Variants in PABPC5 observed in about 807,000 individuals in gnomAD.
The protein encoded by PABPC5 is polyadenylate-binding protein 5.
In PABPC5, 6 loss-of-function variants were observed where a neutral mutation model predicts 12.6. The observed-to-expected ratio is 0.48, with a 90% CI of 0.26 to 0.94. The LOEUF is 0.94. Among genes scored for constraint, PABPC5 ranks in the 40% least tolerant of loss-of-function variants. The pLI, the probability that PABPC5 is intolerant of heterozygous loss-of-function variation, is 0.14. For missense variants in PABPC5, 244 were observed against 302.8 expected (o/e 0.81, Z 1.44); for synonymous variants, 124 against 118.4 (o/e 1.05, Z -0.31).
At position 91,436,793 on chromosome X, in the gene PABPC5, AG is replaced by A; in HGVS notation, c.*71del. 2 of 995,847 alleles carry A rather than the reference AG, an allele frequency of 2.0e-6. No individual in the cohort carries two copies. Among genetic ancestry groups the A allele is most frequent in the Non-Finnish European group, 2.7e-6 (2 of 750,137 alleles). 82.1% of individuals were successfully genotyped at this position (995,847 alleles called of 1,213,427 possible). A position where few individuals can be genotyped will look rare whatever the true frequency, so the allele number is the denominator to read the frequency against. On this transcript the variant is annotated 3_prime_UTR_variant, in exon 2 of 2. Transcript: ENST00000312600. ...CCTTAGTTTGGGCTCCTTTGTGATA[AG>A]GGGTTATTTTATGCTAATTCACAAG...
At position 91,435,455 on chromosome X, in the gene PABPC5, C is replaced by T. The variant is rs1931581431; in HGVS notation, c.-123C>T. 9.8e-6 allele frequency: 6 copies of T among 614,417 alleles called. No homozygotes were observed. In the South Asian group the frequency reaches 1.0e-4, roughly 10 times the overall value. The allele number at this position is 614,417 out of a possible 1,213,427, so 50.6% of individuals were successfully genotyped here. On this transcript the variant is annotated 5_prime_UTR_variant, in exon 2 of 2. Transcript: ENST00000312600. ...CTCAGCCTCGACAGTGATTCTGAGT[C>T]TGCTTTTAGCTTCCTTTTGCCTGCC...
In PABPC5 at chrX:91,438,350, C is replaced by A. The variant is rs1451827538; in HGVS notation, c.*1624C>A. 8.1e-6 allele frequency: 1 copy of A among 122,841 alleles called. No individual in the cohort carries two copies. Among genetic ancestry groups the A allele is most frequent in the Non-Finnish European group, 1.9e-5 (1 of 52,927 alleles). 10.1% of individuals were successfully genotyped at this position (122,841 alleles called of 1,213,427 possible). Reference sequence around the variant, plus strand: ...AATCACTGTTTATATTGATTATAAACATAAGACATGCTCATTGTAAAAAAT... The same window carrying A: ...AATCACTGTTTATATTGATTATAAAAATAAGACATGCTCATTGTAAAAAAT... On this transcript the variant is annotated 3_prime_UTR_variant, in exon 2 of 2. Transcript: ENST00000312600.
chrX:91,436,917 T>G lies in PABPC5; in HGVS notation c.*191T>G. On this transcript the variant is annotated 3_prime_UTR_variant, in exon 2 of 2. Transcript: ENST00000312600. ...ATAATTTCTAACTGTAAAATTGTCATTTTGTACTTTTTTTGATGTAATATC... is the reference window on the plus strand; with the variant it reads ...ATAATTTCTAACTGTAAAATTGTCAGTTTGTACTTTTTTTGATGTAATATC... 2 of 418,666 alleles carry G rather than the reference T, an allele frequency of 4.8e-6. No individual in the cohort carries two copies. The highest frequency in any genetic ancestry group is 8.1e-5 in the East Asian group (2 of 24,581). The allele number at this position is 418,666 out of a possible 1,213,427, so 34.5% of individuals were successfully genotyped here. A position where few individuals can be genotyped will look rare whatever the true frequency, so the allele number is the denominator to read the frequency against.
At position 91,437,340 on chromosome X, in the gene PABPC5, C is replaced by A. The variant is rs1240858950; in HGVS notation, c.*614C>A. 1 of 122,776 alleles carries A rather than the reference C, an allele frequency of 8.1e-6. No homozygotes were observed. The highest frequency in any genetic ancestry group is 9.5e-5 in the Admixed American group (1 of 10,473). 10.1% of individuals were successfully genotyped at this position (122,776 alleles called of 1,213,427 possible). A position where few individuals can be genotyped will look rare whatever the true frequency, so the allele number is the denominator to read the frequency against. On this transcript the variant is annotated 3_prime_UTR_variant, in exon 2 of 2. Transcript: ENST00000312600. ...TGGGAGTGGTCGTATTAACTTCTTGCCCAAAGAAGTAAGCATATTGGTGTT... is the reference window on the plus strand; with the variant it reads ...TGGGAGTGGTCGTATTAACTTCTTGACCAAAGAAGTAAGCATATTGGTGTT...
chrX:91,435,661 T>C lies in PABPC5; in HGVS notation c.84T>C (p.Asp28=), dbSNP rs1931587184. Residue 28 remains aspartate (D), a synonymous_variant, in exon 2 of 2, where the codon GAT becomes GAC. Transcript: ENST00000312600. ...TGTACGTGGGTGACTTGGACCCAGA[T>C]GTCACCGAGGACATGCTCTATAAGA... ...AALYVGDLDP[D]VTEDMLYKKF... 2 of 1,210,986 alleles carry C rather than the reference T, an allele frequency of 1.7e-6. No individual in the cohort carries two copies. The highest frequency in any genetic ancestry group is 5.9e-5 in the East Asian group (2 of 33,801).
chrX:91,436,079 G>T lies in PABPC5; in HGVS notation c.502G>T (p.Val168Leu). The change falls in exon 2 of 2, where the codon GTG (valine) becomes TTG (leucine). Residue 168 changes from valine to leucine, a missense_variant. Coordinates refer to ENST00000312600, the MANE Select transcript of PABPC5 (RefSeq NM_080832.3). Reference sequence around the variant, plus strand: ...TAGAGCCATCTGGCACATGAATGGAGTGCGGCTCAACAACCGCCAGGTGTA... The same window carrying T: ...TAGAGCCATCTGGCACATGAATGGATTGCGGCTCAACAACCGCCAGGTGTA... ...ANRAIWHMNG[V>L]RLNNRQVYVG... is the part of the protein sequence containing the mutation. 8.3e-7 allele frequency: 1 copy of T among 1,212,020 alleles called. No individual in the cohort carries two copies. Among genetic ancestry groups the T allele is most frequent in the Non-Finnish European group, 1.1e-6 (1 of 895,634 alleles).
intron 1 of PABPC5, among the ~76,000 whole-genome samples, chrX:91,435,223 G>A (rs764036937): frequency 8.9e-6 from 1 of 111,997 alleles, no homozygotes; most frequent in East Asian, 2.8e-4. Context: ...CTAGTTGTGG[G>A]GAACCAGCCA....
chrX:91,436,286 A>T lies in PABPC5; in HGVS notation c.709A>T (p.Lys237Ter), dbSNP rs1241411403. Residue 237 changes from lysine (K) to a stop codon, truncating the protein, a stop_gained, in exon 2 of 2, where the codon AAA becomes TAA. Coordinates refer to ENST00000312600, the MANE Select transcript of PABPC5 (RefSeq NM_080832.3). LOFTEE classifies it high-confidence loss of function. ...SVKVIRDASG[K>*]SKGFGFVRYE... Reference sequence around the variant, plus strand: ...TAAAGTAATAAGAGATGCCAGTGGGAAATCTAAAGGCTTTGGATTTGTGAG... The same window carrying T: ...TAAAGTAATAAGAGATGCCAGTGGGTAATCTAAAGGCTTTGGATTTGTGAG... The T allele has an allele frequency of 8.3e-7, 1 of 1,211,713 alleles. No homozygotes were observed. The highest frequency in any genetic ancestry group is 1.1e-6 in the Non-Finnish European group (1 of 895,533).
In PABPC5 at chrX:91,436,994, G is replaced by A. The variant is rs1043026588; in HGVS notation, c.*268G>A. 8.8e-5 allele frequency: 27 copies of A among 308,003 alleles called. No homozygotes were observed. The highest frequency in any genetic ancestry group is 5.2e-4 in the Admixed American group (9 of 17,437). The allele number at this position is 308,003 out of a possible 1,213,427, so 25.4% of individuals were successfully genotyped here. A position where few individuals can be genotyped will look rare whatever the true frequency, so the allele number is the denominator to read the frequency against. On this transcript the variant is annotated 3_prime_UTR_variant, in exon 2 of 2. Coordinates refer to ENST00000312600, the MANE Select transcript of PABPC5 (RefSeq NM_080832.3). ...TTCCTCCACTTTTTTTTCCTGAACA[G>A]TCAAGGTGAGGCAATTGATTGAGTA...
Position 91,435,656 on chromosome X carries a change from C to G in PABPC5, c.79C>G (p.Pro27Ala), listed in dbSNP as rs1359638647. 4 of 1,210,670 alleles carry G rather than the reference C, an allele frequency of 3.3e-6. No homozygotes were observed. The Admixed American group carries it at 8.7e-5, about 26-fold the overall frequency. The change falls in exon 2 of 2, where the codon CCA (proline) becomes GCA (alanine). Residue 27 changes from proline to alanine, a missense_variant. Pro to Ala is a conservative substitution (Grantham distance 27). Around this residue, in one of 3 missense-constraint regions of PABPC5, gnomAD observed 29 missense variants for 20.5 expected, o/e 1.41. Transcript: ENST00000312600. ...KAALYVGDLD[P>A]DVTEDMLYKK... ...CGCTCTGTACGTGGGTGACTTGGACCCAGATGTCACCGAGGACATGCTCTA... is the reference window on the plus strand; with the variant it reads ...CGCTCTGTACGTGGGTGACTTGGACGCAGATGTCACCGAGGACATGCTCTA...
At position 91,435,840 on chromosome X, in the gene PABPC5, C is replaced by A; in HGVS notation, c.263C>A (p.Pro88Gln). The A allele has an allele frequency of 8.3e-7, 1 of 1,211,801 alleles. No individual in the cohort carries two copies. The highest frequency in any genetic ancestry group is 1.1e-6 in the Non-Finnish European group (1 of 895,554). ...TMNFDLINGK[P>Q]FRLMWSQPDD... is the part of the protein sequence containing the mutation. ...AATTTTGATTTGATTAATGGAAAAC[C>A]ATTCCGCCTTATGTGGTCTCAGCCA... is the stretch of plus-strand genomic sequence containing the variant. The change falls in exon 2 of 2, where the codon CCA (proline) becomes CAA (glutamine). Residue 88 changes from proline to glutamine, a missense_variant. Pro to Gln is a moderately conservative substitution (Grantham distance 76). This residue lies in a region of PABPC5 where 211 missense variants were observed against 261.5 expected (regional missense o/e 0.81). Transcript: ENST00000312600.
rs201418711 is a variant in PABPC5 at position 91,436,405 on chromosome X, G to T, written c.828G>T (p.Lys276Asn). 1 of 1,209,985 alleles carries T rather than the reference G, an allele frequency of 8.3e-7. No homozygotes were observed. The highest frequency in any genetic ancestry group is 1.7e-5 in the African/African-American group (1 of 57,193). The change falls in exon 2 of 2, where the codon AAG becomes AAT. Residue 276 changes from lysine (K) to asparagine (N), a missense_variant. Around this residue, in one of 3 missense-constraint regions of PABPC5, gnomAD observed 211 missense variants for 261.5 expected, o/e 0.81. Transcript: ENST00000312600. ...TCCTCTATGTAGGGCGAGCACAGAA[G>T]AAAATTGAACGCCTGGCTGAGTTGA... ...GKVLYVGRAQ[K>N]KIERLAELRR...
chrX:91,436,875 T>A lies in PABPC5; in HGVS notation c.*149T>A. 3 of 514,663 alleles carry A rather than the reference T, an allele frequency of 5.8e-6. No individual in the cohort carries two copies. The highest frequency in any genetic ancestry group is 6.2e-6 in the Non-Finnish European group (2 of 323,046). The allele number at this position is 514,663 out of a possible 1,213,427, so 42.4% of individuals were successfully genotyped here. On this transcript the variant is annotated 3_prime_UTR_variant, in exon 2 of 2. Coordinates refer to ENST00000312600, the MANE Select transcript of PABPC5 (RefSeq NM_080832.3). ...AAAATGCAAAACTAGAAAACTTTATTCATTTTAGAATAGAACATAATTTCT... is the reference window on the plus strand; with the variant it reads ...AAAATGCAAAACTAGAAAACTTTATACATTTTAGAATAGAACATAATTTCT...
Position 91,438,539 on chromosome X carries a change from A to G in PABPC5, c.*1813A>G, listed in dbSNP as rs1276377334. ...TTCTGTATTTTTAATTTTAAACTGA[A>G]CAATAATCATCTTTTCCTGACAATA... is the stretch of plus-strand genomic sequence containing the variant. On this transcript the variant is annotated 3_prime_UTR_variant, in exon 2 of 2. Coordinates refer to ENST00000312600, the MANE Select transcript of PABPC5 (RefSeq NM_080832.3). The G allele has an allele frequency of 8.1e-6, 1 of 123,131 alleles. No individual in the cohort carries two copies. Among genetic ancestry groups the G allele is most frequent in the Non-Finnish European group, 1.9e-5 (1 of 52,963 alleles). The allele number at this position is 123,131 out of a possible 1,213,427, so 10.1% of individuals were successfully genotyped here.
In PABPC5 at chrX:91,437,882, G is replaced by A. The variant is rs971738961; in HGVS notation, c.*1156G>A. ...AAAAAAAGGTTTGTTCAATATTGCCGTTACATTTATTAGCCTGTAATTTCT... is the reference window on the plus strand; with the variant it reads ...AAAAAAAGGTTTGTTCAATATTGCCATTACATTTATTAGCCTGTAATTTCT... On this transcript the variant is annotated 3_prime_UTR_variant, in exon 2 of 2. Coordinates refer to ENST00000312600, the MANE Select transcript of PABPC5 (RefSeq NM_080832.3). 2.5e-5 allele frequency: 3 copies of A among 119,563 alleles called. No individual in the cohort carries two copies. The highest frequency in any genetic ancestry group is 3.9e-4 in the South Asian group (1 of 2,569). The allele number at this position is 119,563 out of a possible 1,213,427, so 9.9% of individuals were successfully genotyped here.
rs751297464 is a variant in PABPC5, at chrX:91,436,668, G to A, written c.1091G>A (p.Arg364His). The A allele has an allele frequency of 3.3e-6, 4 of 1,210,494 alleles. No homozygotes were observed. Among genetic ancestry groups the A allele is most frequent in the South Asian group, 1.8e-5 (1 of 56,911 alleles). ...AAAGCAGTGGATGAGATGAATGGCC[G>A]CATAGTGGGCTCCAAGCCCCTGCAT... The part of the protein sequence containing the change: ...ATKAVDEMNG[R>H]IVGSKPLHVT... The change falls in exon 2 of 2, where the codon CGC becomes CAC. Residue 364 changes from arginine (R) to histidine (H), a missense_variant. By Grantham distance (29) the Arg-to-His change is conservative. Coordinates refer to ENST00000312600, the MANE Select transcript of PABPC5 (RefSeq NM_080832.3).
rs373564499 is a variant in PABPC5, at chrX:91,437,049, A to AT, written c.*331dup. 1,683 of 203,103 alleles carry AT rather than the reference A, an allele frequency of 8.3e-3. 29 individuals carry two copies. The highest frequency in any genetic ancestry group is 0.046 in the African/African-American group (1,526 of 33,044). 16.7% of individuals were successfully genotyped at this position (203,103 alleles called of 1,213,427 possible). ...TCCCTTCTTATTTCAGTAATACTCTATTTTTTTTCATGAAAATGTCAACAT... is the reference window on the plus strand; with the variant it reads ...TCCCTTCTTATTTCAGTAATACTCTATTTTTTTTTCATGAAAATGTCAACAT... On this transcript the variant is annotated 3_prime_UTR_variant, in exon 2 of 2. Transcript: ENST00000312600.
At position 91,438,308 on chromosome X, in the gene PABPC5, A is replaced by G. The variant is rs1476535339; in HGVS notation, c.*1582A>G. The G allele has an allele frequency of 8.1e-6, 1 of 123,036 alleles. No individual in the cohort carries two copies. The highest frequency in any genetic ancestry group is 1.9e-5 in the Non-Finnish European group (1 of 52,999). 10.1% of individuals were successfully genotyped at this position (123,036 alleles called of 1,213,427 possible). On this transcript the variant is annotated 3_prime_UTR_variant, in exon 2 of 2. Transcript: ENST00000312600. ...CAAATTACAGGTTTATCCATTTGCA[A>G]ATATTTTCAAAATGGAAATCACTGT... is the stretch of plus-strand genomic sequence containing the variant.
At position 91,437,280 on chromosome X, in the gene PABPC5, A is replaced by C. The variant is rs1931619535; in HGVS notation, c.*554A>C. The C allele has an allele frequency of 8.1e-6, 1 of 123,745 alleles. No individual in the cohort carries two copies. Among genetic ancestry groups the C allele is most frequent in the African/African-American group, 3.2e-5 (1 of 30,928 alleles). 10.2% of individuals were successfully genotyped at this position (123,745 alleles called of 1,213,427 possible). A position where few individuals can be genotyped will look rare whatever the true frequency, so the allele number is the denominator to read the frequency against. On this transcript the variant is annotated 3_prime_UTR_variant, in exon 2 of 2. Transcript: ENST00000312600. ...TTTCATTTTTTAATATGTTGTGAACATGCTACAGATTTGATAGTACTTTTG... is the reference window on the plus strand; with the variant it reads ...TTTCATTTTTTAATATGTTGTGAACCTGCTACAGATTTGATAGTACTTTTG...
Sources: gnomAD v4.1 joint callset for allele counts (sites outside exome capture counted in the v4.1 genomes callset) on GRCh38, gnomAD v4.1.1 for gene constraint, gnomAD v4.1.1 regional missense constraint, MANE v1.5 for transcripts, NCBI Gene and HGNC (gene_info 2026-07-23, HGNC 2026-07-21) for gene names.